The following EEF1AKMT1 variants were observed in gnomAD, a reference collection of about 807,000 sequenced individuals.
EEF1AKMT1 encodes EEF1A lysine methyltransferase 1.
EEF1AKMT1 carries 18 observed loss-of-function variants against 21.0 expected under a neutral mutation model. The observed-to-expected ratio is 0.86, with a 90% CI of 0.59 to 1.27. The LOEUF (loss-of-function observed/expected upper bound fraction) is 1.27. EEF1AKMT1 is among the 50% of genes most tolerant of loss of function. EEF1AKMT1 has a pLI of 0.00. For synonymous variants in EEF1AKMT1, 109 were observed against 94.8 expected (o/e 1.15, Z -0.87); for missense variants, 246 against 258.6 (o/e 0.95, Z 0.33).
chr13:20,738,967 G>A (rs184055987), intron 2 of EEF1AKMT1, among the ~76,000 whole-genome samples: 1 of 152,330 alleles, frequency 6.6e-6, no homozygotes, highest in East Asian at 1.9e-4. Context: ...TGAAGCTGTG[G>A]ACCCTCACGA....
At chr13:20,757,415 C>CTGATGTGGATTGTATTG (rs1251210897) in intron 2 of EEF1AKMT1, 40 bp downstream of exon 2, 9 of 1,609,898 alleles carry the variant, frequency 5.6e-6, no homozygotes, top group Non-Finnish European at 7.6e-6. Context: ...GTAGGTTCCA[C>CTGATGTGGATTGTATTG]ATCAATACTT....
intron 2 of EEF1AKMT1, among the ~76,000 whole-genome samples, chr13:20,748,634 AT>A (rs2058921511): frequency 6.7e-6 from 1 of 149,800 alleles, no homozygotes; most frequent in Non-Finnish European, 1.5e-5. Context: ...TATATATACT[AT>A]GGATTTATTA....
intron 2 of EEF1AKMT1, among the ~76,000 whole-genome samples, chr13:20,739,227 C>T (rs191822817): frequency 3.9e-5 from 6 of 152,282 alleles, no homozygotes; most frequent in East Asian, 1.9e-4. Context: ...AAGCTGGAGA[C>T]CTTCACGGTG....
chr13:20,732,118 G>C lies in EEF1AKMT1; in HGVS notation c.231C>G (p.Ile77Met). The C allele has an allele frequency of 6.2e-7, 1 of 1,605,094 alleles. No homozygotes were observed. The change falls in exon 4 of 5, where the codon ATC becomes ATG. Residue 77 changes from isoleucine (I) to methionine (M), a missense_variant. Transcript: ENST00000382758. The part of the protein sequence containing the change: ...AIAAVGEGGR[I>M]ACVSAPSVYQ... ...AAACACTAGGGGCACTCACACATGCGATTCTAGGAGACAAAATGAACACAC... is the reference window on the plus strand; with the variant it reads ...AAACACTAGGGGCACTCACACATGCCATTCTAGGAGACAAAATGAACACAC...
chr13:20,740,506 A>G (rs1300469526), intron 2 of EEF1AKMT1, among the ~76,000 whole-genome samples: 1 of 152,154 alleles, frequency 6.6e-6, no homozygotes, highest in Non-Finnish European at 1.5e-5. Context: ...CTGTGAATTT[A>G]CTAAAAACCA....
intron 1 of EEF1AKMT1, 30 bp downstream of exon 1, chr13:20,773,891 C>T (rs1319682371): frequency 6.6e-6 from 1 of 152,536 alleles, no homozygotes; most frequent in Non-Finnish European, 1.5e-5. Context: ...CGCAGCCAAC[C>T]CTACAGCTGC....
At chr13:20,760,549 G>A (rs1237852127) in intron 1 of EEF1AKMT1, among the ~76,000 whole-genome samples, 2 of 152,134 alleles carry the variant, frequency 1.3e-5, no homozygotes, top group African/African-American at 4.8e-5. Flanking sequence ...GAGGAGCCGG[G>A]AAGAGTGGGG....
chr13:20,770,107 A>G (rs2141442590), intron 1 of EEF1AKMT1, among the ~76,000 whole-genome samples: 1 of 152,360 alleles, frequency 6.6e-6, no homozygotes, highest in South Asian at 2.1e-4. Context: ...ATAAATACAT[A>G]CAATGGAATA....
At position 20,748,715 on chromosome 13, in the gene EEF1AKMT1, G is replaced by GGTTTTTTTTTTTTTTTTTT. The variant is rs1555326495; in HGVS notation, c.144+8739_144+8740insAAAAAAAAAAAAAAAAAAC. On this transcript the variant is annotated intron_variant, in intron 2 of 4. Transcript: ENST00000382758. ...TTCTTCACCCTCCTAATGTATAGTT[G>GGTTTTTTTTTTTTTTTTTT]TTTTTTTTTGGTTTTTTTTTTTTTT... 9.5e-5 allele frequency among the ~76,000 whole-genome samples: 10 copies of GGTTTTTTTTTTTTTTTTTT among 105,810 alleles called. 2 individuals are homozygous for GGTTTTTTTTTTTTTTTTTT. The highest frequency in any genetic ancestry group is 2.2e-4 in the African/African-American group (6 of 27,124). The allele number at this position is 105,810 out of a possible 152,430, so 69.4% of individuals were successfully genotyped here.
At chr13:20,750,337 C>A (rs1158813680) in intron 2 of EEF1AKMT1, among the ~76,000 whole-genome samples, 2 of 152,252 alleles carry the variant, frequency 1.3e-5, no homozygotes, top group Non-Finnish European at 2.9e-5. Context: ...TTACCAATCT[C>A]TTTTCATCAC....
intron 2 of EEF1AKMT1, among the ~76,000 whole-genome samples, chr13:20,748,211 C>T (rs1301711330): frequency 1.3e-5 from 2 of 152,046 alleles, no homozygotes; most frequent in Non-Finnish European, 2.9e-5. Context: ...CCGAGGCGGG[C>T]GGACCATGAG....
At chr13:20,743,169 C>T (rs974187648) in intron 2 of EEF1AKMT1, among the ~76,000 whole-genome samples, 1 of 152,052 alleles carries the variant, frequency 6.6e-6, no homozygotes, top group African/African-American at 2.4e-5. Context: ...GAAATTGAAG[C>T]GATTCTCCTG....
intron 4 of EEF1AKMT1, among the ~76,000 whole-genome samples, chr13:20,731,137 C>T (rs1460019100): frequency 6.6e-6 from 1 of 152,074 alleles, no homozygotes; most frequent in Admixed American, 6.6e-5. Flanking sequence ...CCACCTCCAT[C>T]TCCCAAATGG....
intron 2 of EEF1AKMT1, among the ~76,000 whole-genome samples, chr13:20,754,741 CAAAAAAAAAAA>C (rs56777421): frequency 8.6e-6 from 1 of 116,582 alleles, no homozygotes; most frequent in African/African-American, 3.3e-5. Flanking sequence ...ACCAAAAATA[CAAAAAAAAAAA>C]AAAAAAAAAA....
chr13:20,748,726 G>GTTTTTTTT lies in EEF1AKMT1; in HGVS notation c.144+8721_144+8728dup, dbSNP rs750094631. On this transcript the variant is annotated intron_variant, in intron 2 of 4. Coordinates refer to ENST00000382758, the MANE Select transcript of EEF1AKMT1 (RefSeq NM_001318939.2). ...CCTAATGTATAGTTGTTTTTTTTTG[G>GTTTTTTTT]TTTTTTTTTTTTTTTTTTTTTGAGA... is the stretch of plus-strand genomic sequence containing the variant. Among the ~76,000 whole-genome samples, 16 of 72,614 alleles carry GTTTTTTTT rather than the reference G, an allele frequency of 2.2e-4. 1 individual carries two copies. Among genetic ancestry groups the GTTTTTTTT allele is most frequent in the African/African-American group, 2.5e-4 (4 of 15,790 alleles). 47.6% of individuals were successfully genotyped at this position (72,614 alleles called of 152,430 possible).
In EEF1AKMT1 at chr13:20,728,881, G is replaced by A. The variant is rs2058773898; in HGVS notation, c.*199C>T. ...TTCCAACTCGAATTCCATGGATTCA[G>A]GTTGGCAGAAGACTGAGCTCTAGGG... On this transcript the variant is annotated 3_prime_UTR_variant, in exon 5 of 5. Coordinates refer to ENST00000382758, the MANE Select transcript of EEF1AKMT1 (RefSeq NM_001318939.2). The A allele has an allele frequency of 1.6e-6, 1 of 614,100 alleles. No homozygotes were observed. The highest frequency in any genetic ancestry group is 2.8e-5 in the East Asian group (1 of 35,462). 38.0% of individuals were successfully genotyped at this position (614,100 alleles called of 1,614,324 possible). A position where few individuals can be genotyped will look rare whatever the true frequency, so the allele number is the denominator to read the frequency against.
At chr13:20,731,804 T>C in intron 4 of EEF1AKMT1, 37 bp downstream of exon 4, 1 of 1,580,022 alleles carries the variant, frequency 6.3e-7, no homozygotes. Flanking sequence ...ATAGCCACTG[T>C]CAGTGACTTT....
intron 2 of EEF1AKMT1, among the ~76,000 whole-genome samples, chr13:20,754,885 G>C (rs547470439): frequency 6.8e-6 from 1 of 146,166 alleles, no homozygotes; most frequent in African/African-American, 2.5e-5. Context: ...GTGGGACTCC[G>C]CCTCGGAGAA....
Position 20,770,367 on chromosome 13 carries a change from A to G in EEF1AKMT1, c.-20+3554T>C, listed in dbSNP as rs1009691457. On this transcript the variant is annotated intron_variant, in intron 1 of 4. Transcript: ENST00000382758. Reference sequence around the variant, plus strand: ...TTTATAAGATGAAAAGTGATGGATTATCTACTTTTAAGGTTTTTATACTTA... The same window carrying G: ...TTTATAAGATGAAAAGTGATGGATTGTCTACTTTTAAGGTTTTTATACTTA... Among the ~76,000 whole-genome samples, 83 of 152,288 alleles carry G rather than the reference A, an allele frequency of 5.5e-4. 1 individual carries two copies. The highest frequency in any genetic ancestry group is 4.6e-4 in the Non-Finnish European group (31 of 68,018).
Sources: gnomAD v4.1 joint callset for allele counts (sites outside exome capture counted in the v4.1 genomes callset) on GRCh38, gnomAD v4.1.1 for gene constraint, MANE v1.5 for transcripts, NCBI Gene and HGNC (gene_info 2026-07-23, HGNC 2026-07-21) for gene names.